SDHAF2: variants seen among roughly 807,000 people sequenced by gnomAD.
SDHAF2 encodes the protein succinate dehydrogenase complex assembly factor 2.
A neutral mutation model predicts 18.5 loss-of-function variants in SDHAF2; 21 were observed. The ratio of observed to expected loss-of-function variants is 1.13; its 90% CI spans 0.80 to 1.63. The LOEUF (loss-of-function observed/expected upper bound fraction) is 1.63. Among genes scored for constraint, SDHAF2 ranks in the 40% most tolerant of loss-of-function variants. The probability of loss-of-function intolerance (pLI) is 0.00; values close to 1 mark genes in which losing one functional copy is unlikely to be tolerated. For missense variants in SDHAF2, 195 were observed against 200.3 expected, an observed-to-expected ratio of 0.97 and a Z score of 0.16; for synonymous variants, 84 against 70.7, an observed-to-expected ratio of 1.19 and a Z score of -0.94.
At chr11:61,437,880 G>A (rs776339422) in intron 2 of SDHAF2, 32 bp downstream of exon 2, 19 of 1,599,312 alleles carry the variant, frequency 1.2e-5, no homozygotes, top group Middle Eastern at 2.0e-4. Context: ...TTTTTAAATC[G>A]GGCAGCTTCC....
rs1362637038 is a variant in SDHAF2 at position 61,441,883 on chromosome 11, CT to C, written c.370+3771del. On this transcript the variant is annotated intron_variant, in intron 3 of 3. Coordinates refer to ENST00000301761, the MANE Select transcript of SDHAF2 (RefSeq NM_017841.4). Reference sequence around the variant, plus strand: ...CTTCAAATTCCGCCCCCCACCACTCCTCCCTTTTTTTTTTTTTTGAGACAGG... The same window carrying C: ...CTTCAAATTCCGCCCCCCACCACTCCCCCTTTTTTTTTTTTTTGAGACAGG... Among the ~76,000 whole-genome samples the C allele has an allele frequency of 1.1e-4, 12 of 112,192 alleles. No individual in the cohort carries two copies. In the Admixed American group the frequency reaches 1.1e-3, roughly 11 times the overall value. 73.6% of individuals were successfully genotyped at this position (112,192 alleles called of 152,430 possible).
intron 3 of SDHAF2, among the ~76,000 whole-genome samples, chr11:61,440,885 GA>G (rs1862057757): frequency 1.3e-5 from 2 of 152,070 alleles, no homozygotes; most frequent in Non-Finnish European, 2.9e-5. Context: ...ATATACATTT[GA>G]TTTTTTTTCC....
chr11:61,440,054 G>A (rs190764151), intron 3 of SDHAF2, among the ~76,000 whole-genome samples: 97 of 152,284 alleles, frequency 6.4e-4, no homozygotes, highest in African/African-American at 2.3e-3. Context: ...TTCAGCATGA[G>A]ATCACATGCT....
intron 1 of SDHAF2, chr11:61,433,505 G>A (rs1861959591): frequency 6.6e-6 from 1 of 152,164 alleles, no homozygotes; most frequent in South Asian, 2.1e-4. Flanking sequence ...CAATTTCCTT[G>A]TACTGATGAG....
At position 61,446,318 on chromosome 11, in the gene SDHAF2, C is replaced by A; in HGVS notation, c.*247C>A. 1.6e-6 allele frequency: 1 copy of A among 609,060 alleles called. No individual in the cohort carries two copies. The highest frequency in any genetic ancestry group is 2.7e-5 in the East Asian group (1 of 36,474). 37.7% of individuals were successfully genotyped at this position (609,060 alleles called of 1,614,324 possible). ...TTTGTCAGCAGCGCTGGCATGCAGG[C>A]TTTGCCTGGCTGCTATCTCTAGAGG... On this transcript the variant is annotated 3_prime_UTR_variant, in exon 4 of 4. Coordinates refer to ENST00000301761, the MANE Select transcript of SDHAF2 (RefSeq NM_017841.4).
At chr11:61,430,269 A>C (rs757739984) in intron 1 of SDHAF2, 87 bp downstream of exon 1, 79 of 1,561,640 alleles carry the variant, frequency 5.1e-5, no homozygotes, top group Non-Finnish European at 6.6e-5. Flanking sequence ...TCTTGGGGAG[A>C]GTTCGTCTGC....
chr11:61,442,857 G>A (rs749305893), intron 3 of SDHAF2, among the ~76,000 whole-genome samples: 32 of 152,178 alleles, frequency 2.1e-4, no homozygotes, highest in Non-Finnish European at 3.4e-4. Context: ...GGGTCCAAGC[G>A]ATTCTTGTGC....
intron 1 of SDHAF2, chr11:61,436,890 A>G (rs1565128256): frequency 7.8e-7 from 1 of 1,288,440 alleles, no homozygotes; most frequent in Admixed American, 2.3e-5. Flanking sequence ...TAAGTTGTCA[A>G]CTTCTCTGGA....
intron 1 of SDHAF2, chr11:61,432,803 A>G (rs1431326398): frequency 6.6e-6 from 1 of 152,116 alleles, no homozygotes; most frequent in Non-Finnish European, 1.5e-5. Flanking sequence ...AAACATAACA[A>G]TCTGTTTTGA....
At chr11:61,445,437 T>C (rs140825619) in intron 3 of SDHAF2, among the ~76,000 whole-genome samples, 2 of 152,334 alleles carry the variant, frequency 1.3e-5, no homozygotes, top group Admixed American at 6.5e-5. Context: ...ACTAGAGTTA[T>C]TAGTTTCTGT....
chr11:61,446,529 CTGGTA>C lies in SDHAF2; in HGVS notation c.*462_*466del. ...TGAAGTGGAACTCCCCACTTCCAACCTGGTATGGCTCCTTCTGCGAAGGGAAGCTG... is the reference window on the plus strand; with the variant it reads ...TGAAGTGGAACTCCCCACTTCCAACCTGGCTCCTTCTGCGAAGGGAAGCTG... On this transcript the variant is annotated 3_prime_UTR_variant, in exon 4 of 4. Coordinates refer to ENST00000301761, the MANE Select transcript of SDHAF2 (RefSeq NM_017841.4). The C allele has an allele frequency of 2.1e-6, 1 of 483,904 alleles. No homozygotes were observed. Among genetic ancestry groups the C allele is most frequent in the Non-Finnish European group, 3.6e-6 (1 of 276,318 alleles). The allele number at this position is 483,904 out of a possible 1,614,324, so 30.0% of individuals were successfully genotyped here.
intron 1 of SDHAF2, chr11:61,431,524 A>T (rs1861912316): frequency 6.6e-6 from 1 of 152,060 alleles, no homozygotes; most frequent in Admixed American, 6.5e-5. Flanking sequence ...TGACTCATTG[A>T]TTGTTCAAGA....
chr11:61,437,223 C>T (rs1251442975), intron 1 of SDHAF2, among the ~76,000 whole-genome samples: 3 of 151,988 alleles, frequency 2.0e-5, no homozygotes, highest in Admixed American at 6.6e-5. Flanking sequence ...GGATAGGGTC[C>T]GTTGCCCAGG....
chr11:61,446,126 G>A lies in SDHAF2; in HGVS notation c.*55G>A, dbSNP rs1862135347. On this transcript the variant is annotated 3_prime_UTR_variant, in exon 4 of 4. Transcript: ENST00000301761. ...CAGTCTGTGGATGGTAACTACTTAT[G>A]ATGGACGTTAGCCTTGCTTCCGGCT... 6.2e-7 allele frequency: 1 copy of A among 1,607,154 alleles called. No homozygotes were observed. Among genetic ancestry groups the A allele is most frequent in the Non-Finnish European group, 8.5e-7 (1 of 1,174,628 alleles).
intron 1 of SDHAF2, chr11:61,436,735 C>G (rs1861998974): frequency 3.9e-6 from 2 of 518,070 alleles, no homozygotes; most frequent in Admixed American, 4.9e-5. Flanking sequence ...GCAGGAGCCT[C>G]TTACTGGTTT....
At chr11:61,432,337 T>C (rs1331629199) in intron 1 of SDHAF2, 1 of 152,240 alleles carries the variant, frequency 6.6e-6, no homozygotes, top group Non-Finnish European at 1.5e-5. Context: ...TATCAAACTC[T>C]GCAGAAGCTC....
chr11:61,430,559 T>C, intron 1 of SDHAF2: 1 of 332,630 alleles, frequency 3.0e-6, no homozygotes, highest in Admixed American at 4.6e-5. Flanking sequence ...AATTGACATA[T>C]AATTGTACGT....
In SDHAF2 at chr11:61,437,681, C is replaced by G. The variant is rs752477657; in HGVS notation, c.93C>G (p.Phe31Leu). 5.0e-6 allele frequency: 8 copies of G among 1,614,194 alleles called. No homozygotes were observed. The South Asian group carries it at 8.8e-5, about 18-fold the overall frequency. ...CTCCTTTGCTCAGTGTGACATCATT[C>G]AGACGCTTCTACAGAGGTGACAGCC... Reference protein sequence around the residue: ...LLSPLLSVTSFRRFYRGDSPT... With the variant: ...LLSPLLSVTSLRRFYRGDSPT... Residue 31 changes from phenylalanine to leucine, a missense_variant, in exon 2 of 4, where the codon TTC (phenylalanine) becomes TTG (leucine). Coordinates refer to ENST00000301761, the MANE Select transcript of SDHAF2 (RefSeq NM_017841.4).
chr11:61,445,683 G>A (rs1005745808), intron 3 of SDHAF2, among the ~76,000 whole-genome samples: 1 of 151,696 alleles, frequency 6.6e-6, no homozygotes, highest in African/African-American at 2.4e-5. Context: ...ACCCAATTCT[G>A]CTGTCATAAC....
Sources: allele counts gnomAD v4.1 joint callset (sites outside exome capture counted in the v4.1 genomes callset), GRCh38; gene constraint gnomAD v4.1.1; transcripts MANE v1.5; gene names NCBI Gene and HGNC (gene_info 2026-07-23, HGNC 2026-07-21).